The following FBLN7 variants were observed in gnomAD, a reference collection of about 807,000 sequenced individuals.
FBLN7 encodes the protein fibulin-7.
Under a neutral mutation model 44.0 loss-of-function variants are expected in FBLN7, and 31 were observed. The observed-to-expected ratio is 0.70, with a 90% CI of 0.53 to 0.95. The LOEUF is 0.95. FBLN7 is among the 40% of genes least tolerant of loss of function. FBLN7 has a pLI of 0.00. For synonymous variants in FBLN7, 262 were observed against 253.4 expected (o/e 1.03, Z -0.32); for missense variants, 573 against 618.5 (o/e 0.93, Z 0.78).
At position 112,166,251 on chromosome 2, in the gene FBLN7, A is replaced by C. The variant is rs1682152429; in HGVS notation, c.406+1080A>C. ...TGTTTAGTAGAAAAGGGATTTCACC[A>C]TGTTGGCCAGACTGGTCTCCAACTC... is the stretch of plus-strand genomic sequence containing the variant. On this transcript the variant is annotated intron_variant, in intron 3 of 7. Transcript: ENST00000331203. Among the ~76,000 whole-genome samples, 3 of 152,284 alleles carry C rather than the reference A, an allele frequency of 2.0e-5. No homozygotes were observed. The South Asian group carries it at 6.2e-4, about 32-fold the overall frequency.
At chr2:112,201,015 T>C in the FBLN7 span, among the ~76,000 whole-genome samples, 2 of 152,188 alleles carry the variant, frequency 1.3e-5, no homozygotes, top group Admixed American at 1.3e-4. Flanking sequence ...ATGGGGCAGG[T>C]ACACTAAATG....
intron 2 of FBLN7, among the ~76,000 whole-genome samples, chr2:112,164,738 C>T (rs931280943): frequency 3.9e-5 from 6 of 152,224 alleles, no homozygotes; most frequent in South Asian, 2.1e-4. Flanking sequence ...GGGCCTCCCA[C>T]GCTTCGAGGC....
At chr2:112,234,683 C>T in the FBLN7 span, among the ~76,000 whole-genome samples, 2 of 151,860 alleles carry the variant, frequency 1.3e-5, no homozygotes, top group African/African-American at 4.8e-5. Flanking sequence ...GCCTGTAAGC[C>T]CAGCTACTCT....
intron 1 of FBLN7, among the ~76,000 whole-genome samples, chr2:112,149,733 A>G (rs1048450985): frequency 2.0e-5 from 3 of 152,226 alleles, no homozygotes; most frequent in African/African-American, 7.2e-5. Flanking sequence ...AGGACACGAC[A>G]CACATTTTTG....
the FBLN7 span, among the ~76,000 whole-genome samples, chr2:112,211,346 G>A: frequency 6.6e-6 from 1 of 152,140 alleles, no homozygotes; most frequent in African/African-American, 2.4e-5. Flanking sequence ...TCATAATAAT[G>A]CCCACATCCA....
chr2:112,229,658 C>G, the FBLN7 span, among the ~76,000 whole-genome samples: 2 of 152,148 alleles, frequency 1.3e-5, no homozygotes, highest in Non-Finnish European at 2.9e-5. Flanking sequence ...TCAGCCAACT[C>G]CCAGCCAATC....
At chr2:112,201,878 A>G in the FBLN7 span, among the ~76,000 whole-genome samples, 5 of 152,246 alleles carry the variant, frequency 3.3e-5, no homozygotes, top group Non-Finnish European at 7.3e-5. Context: ...ATTGGCTTAC[A>G]GTCTGTGGGC....
At position 112,181,884 on chromosome 2, in the gene FBLN7, C is replaced by T; in HGVS notation, c.670+8C>T. 2 of 1,534,034 alleles carry T rather than the reference C, an allele frequency of 1.3e-6. No individual in the cohort carries two copies. The highest frequency in any genetic ancestry group is 1.7e-4 in the Middle Eastern group (1 of 5,734). On this transcript the variant is annotated splice_region_variant and intron_variant, in intron 5 of 7. Transcript: ENST00000331203. ...GCGACAGCGTCTGCCAGGGTAGGCGCGGGCTCCGCCAGGACACTGGGGACA... is the reference window on the plus strand; with the variant it reads ...GCGACAGCGTCTGCCAGGGTAGGCGTGGGCTCCGCCAGGACACTGGGGACA...
intron 7 of FBLN7, among the ~76,000 whole-genome samples, chr2:112,185,964 C>T (rs186837490): frequency 9.2e-5 from 14 of 151,478 alleles, no homozygotes; most frequent in Admixed American, 8.6e-4. Context: ...AAAGAGATCA[C>T]AAGAGCCCTA....
At chr2:112,240,952 A>AGT in the FBLN7 span, among the ~76,000 whole-genome samples, 11,948 of 142,590 alleles carry the variant, frequency 0.084, 745 homozygotes, top group African/African-American at 0.19. Context: ...TACAGGTAAC[A>AGT]GTGTGTGTGT....
chr2:112,195,179 T>A, the FBLN7 span, among the ~76,000 whole-genome samples: 1 of 152,202 alleles, frequency 6.6e-6, no homozygotes, highest in Admixed American at 6.5e-5. Context: ...ACTATGATGA[T>A]GAAAATTAGA....
In FBLN7 at chr2:112,175,710, C is replaced by G; in HGVS notation, c.407-4C>G. 6.2e-7 allele frequency: 1 copy of G among 1,613,960 alleles called. No individual in the cohort carries two copies. The highest frequency in any genetic ancestry group is 1.7e-5 in the Admixed American group (1 of 59,992). ...GTATATTTGAAAATTATTTATCTTC[C>G]TAGGTATCAGTGAATGCTCCAGCCA... On this transcript the variant is annotated splice_polypyrimidine_tract_variant and splice_region_variant and intron_variant, in intron 3 of 7. Transcript: ENST00000331203.
the FBLN7 span, among the ~76,000 whole-genome samples, chr2:112,226,416 G>A: frequency 2.6e-5 from 4 of 151,410 alleles, no homozygotes; most frequent in South Asian, 2.1e-4. Flanking sequence ...GTGAAACCCC[G>A]TCTCTACTAA....
chr2:112,174,548 A>G (rs951362258), intron 3 of FBLN7, among the ~76,000 whole-genome samples: 1 of 150,866 alleles, frequency 6.6e-6, no homozygotes, highest in Non-Finnish European at 1.5e-5. Context: ...TATGCCAACA[A>G]GGAGGTGTTT....
At chr2:112,220,776 G>A in the FBLN7 span, among the ~76,000 whole-genome samples, 113 of 152,310 alleles carry the variant, frequency 7.4e-4, no homozygotes, top group African/African-American at 2.6e-3. Context: ...AGCTGAGATC[G>A]TGCCATTGCA....
intron 2 of FBLN7, among the ~76,000 whole-genome samples, chr2:112,160,166 A>AT (rs1681676288): frequency 6.6e-6 from 1 of 151,840 alleles, no homozygotes; most frequent in East Asian, 1.9e-4. Flanking sequence ...AATTTTTTGT[A>AT]TTTTTAGTAG....
At chr2:112,159,163 T>G (rs2104560303) in intron 1 of FBLN7, among the ~76,000 whole-genome samples, 1 of 152,026 alleles carries the variant, frequency 6.6e-6, no homozygotes, top group South Asian at 2.1e-4. Flanking sequence ...ACATTGACTT[T>G]TATTGAATGC....
At chr2:112,143,807 T>G (rs1007270480) in intron 1 of FBLN7, among the ~76,000 whole-genome samples, 2 of 152,158 alleles carry the variant, frequency 1.3e-5, no homozygotes, top group African/African-American at 4.8e-5. Context: ...GGTCTCGAAC[T>G]CCTGGGCTCA....
At chr2:112,174,698 G>T (rs536883974) in intron 3 of FBLN7, among the ~76,000 whole-genome samples, 7 of 152,168 alleles carry the variant, frequency 4.6e-5, no homozygotes, top group South Asian at 2.1e-4. Flanking sequence ...GGTTTTTTTT[G>T]TTTGTTTGGT....
Sources: gnomAD v4.1 joint callset for allele counts (sites outside exome capture counted in the v4.1 genomes callset) on GRCh38, gnomAD v4.1.1 for gene constraint, MANE v1.5 for transcripts, NCBI Gene and HGNC (gene_info 2026-07-23, HGNC 2026-07-21) for gene names.